Variants in CSMD3 observed in about 807,000 individuals in gnomAD.
The protein encoded by CSMD3 is CUB and sushi domain-containing protein 3.
In CSMD3, 177 loss-of-function variants were observed where a neutral mutation model predicts 435.2. The observed-to-expected ratio is 0.41, with a 90% CI of 0.36 to 0.46. The LOEUF (loss-of-function observed/expected upper bound fraction) is 0.46. Among genes scored for constraint, CSMD3 ranks in the 20% least tolerant of loss-of-function variants. The pLI is 0.34. For missense variants in CSMD3, 4,265 were observed against 4,504.6 expected (o/e 0.95, Z 1.52); for synonymous variants, 1,656 against 1,520.5 (o/e 1.09, Z -2.07).
intron 4 of CSMD3, among the ~76,000 whole-genome samples, chr8:113,126,544 T>C (rs1324752307): frequency 6.6e-6 from 1 of 151,940 alleles, no homozygotes; most frequent in East Asian, 1.9e-4. Context: ...TGGATGACAT[T>C]AATAAAGGCA....
At position 112,995,790 on chromosome 8, in the gene CSMD3, G is replaced by A. The variant is rs115969033; in HGVS notation, c.1031-19642C>T. On this transcript the variant is annotated intron_variant, in intron 6 of 70. Coordinates refer to ENST00000297405, the MANE Select transcript of CSMD3 (RefSeq NM_198123.2). ...CCTGCAAAATGCAATATAATTGTTCGTTGAATTTTCTCATATCTGGCTGAA... is the reference window on the plus strand; with the variant it reads ...CCTGCAAAATGCAATATAATTGTTCATTGAATTTTCTCATATCTGGCTGAA... 3.2e-4 allele frequency among the ~76,000 whole-genome samples: 48 copies of A among 151,320 alleles called. 1 individual carries two copies. Among genetic ancestry groups the A allele is most frequent in the Admixed American group, 1.3e-3 (20 of 15,102 alleles).
chr8:113,368,722 TATG>T (rs1162395786), intron 1 of CSMD3, among the ~76,000 whole-genome samples: 2 of 152,108 alleles, frequency 1.3e-5, no homozygotes, highest in Non-Finnish European at 2.9e-5. Flanking sequence ...AAAACTGTAT[TATG>T]AAGACCGATT....
rs1434909143 is a variant in CSMD3, at chr8:112,314,483, A to G, written c.7495T>C (p.Phe2499Leu). Residue 2499 changes from phenylalanine to leucine, a missense_variant, in exon 48 of 71, where the codon TTT (phenylalanine) becomes CTT (leucine). Phe to Leu is a conservative substitution (Grantham distance 22). Around this residue, in one of 3 missense-constraint regions of CSMD3, gnomAD observed 3,255 missense variants for 3,380.2 expected, o/e 0.96. Transcript: ENST00000297405. ...TTTTCTGTCTGGAAGAATTCTACAA[A>G]CATGGTGATATTATAACCCTTTTCC... is the stretch of plus-strand genomic sequence containing the variant. The part of the protein sequence containing the change: ...SVEKGYNITM[F>L]VEFFQTEKEF... 1 of 1,612,740 alleles carries G rather than the reference A, an allele frequency of 6.2e-7. No individual in the cohort carries two copies.
intron 27 of CSMD3, among the ~76,000 whole-genome samples, chr8:112,535,898 C>T (rs938822488): frequency 6.6e-6 from 1 of 151,940 alleles, no homozygotes; most frequent in African/African-American, 2.4e-5. Flanking sequence ...CTTTGACAAA[C>T]CTGAGAAAAA....
chr8:112,623,369 C>A (rs1313693871), intron 22 of CSMD3, among the ~76,000 whole-genome samples: 1 of 152,060 alleles, frequency 6.6e-6, no homozygotes, highest in Non-Finnish European at 1.5e-5. Context: ...TTTTGAGAAG[C>A]TGTTCCCTAT....
chr8:112,282,377 T>G (rs1321689163), intron 58 of CSMD3, among the ~76,000 whole-genome samples: 3 of 152,090 alleles, frequency 2.0e-5, no homozygotes, highest in Non-Finnish European at 4.4e-5. Context: ...TTTTACTTTG[T>G]TGTTAAGCAT....
At chr8:112,428,022 A>G (rs1379436929) in intron 32 of CSMD3, among the ~76,000 whole-genome samples, 1 of 152,144 alleles carries the variant, frequency 6.6e-6, no homozygotes, top group African/African-American at 2.4e-5. Context: ...GGCTGCATCA[A>G]TAGTTTGATA....
At chr8:113,204,019 A>G (rs2092743383) in intron 3 of CSMD3, among the ~76,000 whole-genome samples, 1 of 151,994 alleles carries the variant, frequency 6.6e-6, no homozygotes, top group African/African-American at 2.4e-5. Flanking sequence ...CCCTATACTC[A>G]CACTTATTAA....
chr8:112,708,246 G>A (rs915227906), intron 13 of CSMD3, among the ~76,000 whole-genome samples: 8 of 151,894 alleles, frequency 5.3e-5, no homozygotes, highest in African/African-American at 1.9e-4. Context: ...AGAAGAAGAA[G>A]GAGGCATATC....
At chr8:113,389,146 C>T (rs1464898026) in intron 1 of CSMD3, among the ~76,000 whole-genome samples, 1 of 151,612 alleles carries the variant, frequency 6.6e-6, no homozygotes, top group Non-Finnish European at 1.5e-5. Context: ...TCACCTGTGG[C>T]TAATTCCCAC....
intron 11 of CSMD3, among the ~76,000 whole-genome samples, chr8:112,846,800 CA>C (rs1189715057): frequency 6.6e-6 from 1 of 151,312 alleles, no homozygotes; most frequent in Non-Finnish European, 1.5e-5. Flanking sequence ...TAAAGTATTT[CA>C]ATTAAATAAA....
chr8:113,049,280 T>C (rs535415511), intron 5 of CSMD3, among the ~76,000 whole-genome samples: 2 of 152,182 alleles, frequency 1.3e-5, no homozygotes, highest in African/African-American at 4.8e-5. Flanking sequence ...CCAGCTTTTA[T>C]ACTCTGAACA....
At chr8:113,252,687 G>T (rs990051419) in intron 3 of CSMD3, among the ~76,000 whole-genome samples, 1 of 151,934 alleles carries the variant, frequency 6.6e-6, no homozygotes, top group African/African-American at 2.4e-5. Flanking sequence ...GATTTTGAAA[G>T]AAAATTATTA....
At chr8:112,281,895 A>G (rs907125022) in intron 58 of CSMD3, among the ~76,000 whole-genome samples, 2 of 152,166 alleles carry the variant, frequency 1.3e-5, no homozygotes, top group African/African-American at 4.8e-5. Flanking sequence ...TAAACCGAGT[A>G]AAAACAAAGT....
intron 13 of CSMD3, among the ~76,000 whole-genome samples, chr8:112,758,205 T>C (rs1035077196): frequency 2.0e-5 from 3 of 151,752 alleles, no homozygotes; most frequent in Non-Finnish European, 4.4e-5. Flanking sequence ...ATACAAAAAA[T>C]TAGCCAGGCA....
At chr8:112,370,718 A>G (rs966561612) in intron 38 of CSMD3, among the ~76,000 whole-genome samples, 2 of 130,366 alleles carry the variant, frequency 1.5e-5, no homozygotes, top group Non-Finnish European at 3.6e-5. Context: ...CTGATCCCTC[A>G]ACTCTCCATC....
At chr8:112,279,240 T>A (rs1275674206) in intron 59 of CSMD3, among the ~76,000 whole-genome samples, 1 of 152,128 alleles carries the variant, frequency 6.6e-6, no homozygotes, top group Non-Finnish European at 1.5e-5. Flanking sequence ...ACTTGAAAAA[T>A]CTTTGTGGTC....
At chr8:112,898,685 C>T (rs1438616924) in intron 10 of CSMD3, among the ~76,000 whole-genome samples, 1 of 151,014 alleles carries the variant, frequency 6.6e-6, no homozygotes, top group Non-Finnish European at 1.5e-5. Flanking sequence ...CATGTATATA[C>T]ATATATGTTT....
intron 5 of CSMD3, among the ~76,000 whole-genome samples, chr8:113,071,141 G>C (rs948655130): frequency 6.6e-6 from 1 of 151,706 alleles, no homozygotes; most frequent in African/African-American, 2.4e-5. Flanking sequence ...CTGTTCAAGC[G>C]TTTTGCCCAT....
Sources: allele counts gnomAD v4.1 joint callset (sites outside exome capture counted in the v4.1 genomes callset), GRCh38; gene constraint gnomAD v4.1.1; regional missense constraint gnomAD v4.1.1; transcripts MANE v1.5; gene names NCBI Gene and HGNC (gene_info 2026-07-23, HGNC 2026-07-21).